Variants in CEP57L1 observed in about 807,000 individuals in gnomAD.
CEP57L1 encodes the protein centrosomal protein CEP57L1.
A neutral mutation model predicts 61.0 loss-of-function variants in CEP57L1; 37 were observed. The ratio of observed to expected loss-of-function variants is 0.61; its 90% CI spans 0.47 to 0.80. The LOEUF (loss-of-function observed/expected upper bound fraction) is 0.80. Among genes scored for constraint, CEP57L1 ranks in the 30% least tolerant of loss-of-function variants. The pLI, the probability that CEP57L1 is intolerant of heterozygous loss-of-function variation, is 0.00. For missense variants in CEP57L1, 422 were observed against 524.7 expected (o/e 0.80, Z 1.91); for synonymous variants, 137 against 162.3 (o/e 0.84, Z 1.19).
At chr6:109,148,105 TTTTTA>T (rs559715373) in intron 3 of CEP57L1, among the ~76,000 whole-genome samples, 5 of 152,062 alleles carry the variant, frequency 3.3e-5, no homozygotes, top group African/African-American at 7.2e-5. Context: ...TTATTTTGTC[TTTTTA>T]TTTTATTTTA....
In CEP57L1 at chr6:109,163,195, A is replaced by G. The variant is rs1385686883; in HGVS notation, c.*225A>G. 4 of 391,802 alleles carry G rather than the reference A, an allele frequency of 1.0e-5. No homozygotes were observed. The highest frequency in any genetic ancestry group is 9.2e-6 in the Non-Finnish European group (2 of 218,390). 24.3% of individuals were successfully genotyped at this position (391,802 alleles called of 1,614,324 possible). A position where few individuals can be genotyped will look rare whatever the true frequency, so the allele number is the denominator to read the frequency against. On this transcript the variant is annotated 3_prime_UTR_variant, in exon 11 of 11. Coordinates refer to ENST00000517392, the MANE Select transcript of CEP57L1 (RefSeq NM_001271852.3). ...CTTATTGATTGAAGCCCGTAACCTC[A>G]TCTTGTCTTAGAAACATTGTTGGCT...
chr6:109,109,917 A>G (rs879375763), intron 1 of CEP57L1, among the ~76,000 whole-genome samples: 1 of 152,022 alleles, frequency 6.6e-6, no homozygotes, highest in Non-Finnish European at 1.5e-5. Context: ...TACGTGCCAC[A>G]TTTTCCTTAT....
At chr6:109,148,034 G>T (rs750594859) in intron 3 of CEP57L1, among the ~76,000 whole-genome samples, 5 of 152,124 alleles carry the variant, frequency 3.3e-5, no homozygotes, top group Non-Finnish European at 5.9e-5. Flanking sequence ...AATTCACATA[G>T]TACATTTCTT....
chr6:109,112,497 G>A (rs1771779281), intron 1 of CEP57L1, among the ~76,000 whole-genome samples: 1 of 151,868 alleles, frequency 6.6e-6, no homozygotes, highest in African/African-American at 2.4e-5. Flanking sequence ...AAGGGTTTTT[G>A]TGTCTCTATC....
chr6:109,153,780 A>C lies in CEP57L1; in HGVS notation c.463-53A>C, dbSNP rs941519760. On this transcript the variant is annotated intron_variant, in intron 4 of 10. Coordinates refer to ENST00000517392, the MANE Select transcript of CEP57L1 (RefSeq NM_001271852.3). ...TCAGAAATTGTATTATTCTTGTTCC[A>C]TTGGCATTACTTGCCAAATTCAGGG... is the stretch of plus-strand genomic sequence containing the variant. The C allele has an allele frequency of 8.6e-6, 8 of 932,804 alleles. No individual in the cohort carries two copies. In the African/African-American group the frequency reaches 9.9e-5, roughly 12 times the overall value. 57.8% of individuals were successfully genotyped at this position (932,804 alleles called of 1,614,324 possible).
At chr6:109,136,425 G>C (rs1022526436) in intron 1 of CEP57L1, among the ~76,000 whole-genome samples, 3 of 152,202 alleles carry the variant, frequency 2.0e-5, no homozygotes, top group African/African-American at 7.2e-5. Context: ...TAGGGTGTGG[G>C]TAGAGGGGAG....
At chr6:109,139,803 T>C (rs547467380) in intron 1 of CEP57L1, among the ~76,000 whole-genome samples, 1 of 152,072 alleles carries the variant, frequency 6.6e-6, no homozygotes, top group African/African-American at 2.4e-5. Flanking sequence ...GGCTAATTTT[T>C]GTATATTTAA....
intron 1 of CEP57L1, among the ~76,000 whole-genome samples, chr6:109,113,846 A>AT (rs1376816344): frequency 6.6e-6 from 1 of 152,206 alleles, no homozygotes; most frequent in Non-Finnish European, 1.5e-5. Context: ...AGAATAATGA[A>AT]TAAGATGTTG....
At chr6:109,161,737 G>A (rs1773735986) in intron 10 of CEP57L1, among the ~76,000 whole-genome samples, 1 of 152,030 alleles carries the variant, frequency 6.6e-6, no homozygotes, top group Admixed American at 6.6e-5. Context: ...GAAAGGAATA[G>A]AAGAATTATC....
intron 1 of CEP57L1, among the ~76,000 whole-genome samples, chr6:109,127,134 C>A (rs1299544164): frequency 6.6e-6 from 1 of 152,176 alleles, no homozygotes; most frequent in East Asian, 1.9e-4. Context: ...CCACTGCACT[C>A]CAGCCTGGCG....
rs201431635 is a variant in CEP57L1 at position 109,167,692 on chromosome 6, AG to A, written c.*4723del. On this transcript the variant is annotated 3_prime_UTR_variant, in exon 11 of 11. Coordinates refer to ENST00000517392, the MANE Select transcript of CEP57L1 (RefSeq NM_001271852.3). ...ACTCTGCCTCAAAGCAAAAAAAAAAAGAAAAGAAAAGAAAAAAGGAATAGCC... is the reference window on the plus strand; with the variant it reads ...ACTCTGCCTCAAAGCAAAAAAAAAAAAAAAGAAAAGAAAAAAGGAATAGCC... Among the ~76,000 whole-genome samples, 42 of 150,830 alleles carry A rather than the reference AG, an allele frequency of 2.8e-4. 1 individual carries two copies. The South Asian group carries it at 5.8e-3, about 21-fold the overall frequency.
rs573416927 is a variant in CEP57L1 at position 109,150,307 on chromosome 6, C to T, written c.462+68C>T. On this transcript the variant is annotated intron_variant, in intron 4 of 10. Transcript: ENST00000517392. ...GTTTTTGAAGAATATTTTAATTTCACGGGAAAATTCAAAGGCAAAGGTGGC... is the reference window on the plus strand; with the variant it reads ...GTTTTTGAAGAATATTTTAATTTCATGGGAAAATTCAAAGGCAAAGGTGGC... 1,638 of 1,537,584 alleles carry T rather than the reference C, an allele frequency of 1.1e-3. 4 individuals carry two copies. The highest frequency in any genetic ancestry group is 3.3e-3 in the Middle Eastern group (19 of 5,774).
At chr6:109,115,836 T>C (rs1298111999) in intron 1 of CEP57L1, among the ~76,000 whole-genome samples, 1 of 152,156 alleles carries the variant, frequency 6.6e-6, no homozygotes, top group African/African-American at 2.4e-5. Flanking sequence ...TTCTTTAAGG[T>C]TGTTAAGACT....
In CEP57L1 at chr6:109,168,369, A is replaced by G. The variant is rs1774230164; in HGVS notation, c.*5399A>G. Among the ~76,000 whole-genome samples the G allele has an allele frequency of 6.6e-6, 1 of 152,208 alleles. No homozygotes were observed. The highest frequency in any genetic ancestry group is 6.5e-5 in the Admixed American group (1 of 15,282). ...TCAAGCAATAATCACTTAGACTAAA[A>G]CAGAACAATAAGAATTATACAGAAA... On this transcript the variant is annotated 3_prime_UTR_variant, in exon 11 of 11. Coordinates refer to ENST00000517392, the MANE Select transcript of CEP57L1 (RefSeq NM_001271852.3).
intron 1 of CEP57L1, among the ~76,000 whole-genome samples, chr6:109,104,606 G>A (rs1382496022): frequency 6.6e-6 from 1 of 152,082 alleles, no homozygotes; most frequent in African/African-American, 2.4e-5. Flanking sequence ...TTGTGAGACA[G>A]AATCCCACTC....
At chr6:109,145,407 A>C in intron 2 of CEP57L1, 26 bp downstream of exon 2, 4 of 1,477,618 alleles carry the variant, frequency 2.7e-6, no homozygotes, top group Non-Finnish European at 3.6e-6. Flanking sequence ...AATTTGAAGA[A>C]TGGTAAAAAC....
chr6:109,124,139 C>T (rs532330700), intron 1 of CEP57L1, among the ~76,000 whole-genome samples: 10 of 151,988 alleles, frequency 6.6e-5, no homozygotes, highest in African/African-American at 2.4e-4. Context: ...GGAATAGCCT[C>T]CTACCTGTAC....
intron 7 of CEP57L1, chr6:109,157,903 C>T (rs1366641418): frequency 6.6e-6 from 1 of 151,182 alleles, no homozygotes; most frequent in Non-Finnish European, 1.5e-5. Context: ...GTCACCATCA[C>T]AATAATCAAG....
At chr6:109,111,834 T>C (rs1204583479) in intron 1 of CEP57L1, among the ~76,000 whole-genome samples, 3 of 152,246 alleles carry the variant, frequency 2.0e-5, no homozygotes, top group Non-Finnish European at 2.9e-5. Flanking sequence ...GTTTCTTGAT[T>C]TGTGTATGTT....
Sources: gnomAD v4.1 joint callset for allele counts (sites outside exome capture counted in the v4.1 genomes callset) on GRCh38, gnomAD v4.1.1 for gene constraint, MANE v1.5 for transcripts, NCBI Gene and HGNC (gene_info 2026-07-23, HGNC 2026-07-21) for gene names.